TENM3: variants seen among roughly 807,000 people sequenced by gnomAD.
TENM3 encodes teneurin transmembrane protein 3, also known as teneurin-3.
TENM3 carries 63 observed loss-of-function variants against 255.1 expected under a neutral mutation model. The ratio of observed to expected loss-of-function variants is 0.25; its 90% CI spans 0.20 to 0.30. The LOEUF (loss-of-function observed/expected upper bound fraction) is 0.30, where lower values mean the gene tolerates loss of function less well. TENM3 is among the 10% of genes least tolerant of loss of function. The probability of loss-of-function intolerance (pLI) is 1.00; values close to 1 mark genes in which losing one functional copy is unlikely to be tolerated. For missense variants in TENM3, 2,929 were observed against 3,461.1 expected (o/e 0.85, Z 3.86); for synonymous variants, 1,306 against 1,322.3 (o/e 0.99, Z 0.27).
At chr4:182,080,984 C>G in the TENM3 span, among the ~76,000 whole-genome samples, 1 of 151,916 alleles carries the variant, frequency 6.6e-6, no homozygotes, top group African/African-American at 2.4e-5. Flanking sequence ...GAGCAACACC[C>G]TGTCTCAAAA....
At chr4:181,793,122 C>G in the TENM3 span, among the ~76,000 whole-genome samples, 3 of 152,126 alleles carry the variant, frequency 2.0e-5, no homozygotes, top group African/African-American at 4.8e-5. Context: ...TCTCCTTGCC[C>G]CTTTGAAGCT....
rs1316799372 is a variant in TENM3 at position 182,800,658 on chromosome 4, G to A, written c.*307G>A. 1 of 273,330 alleles carries A rather than the reference G, an allele frequency of 3.7e-6. No homozygotes were observed. The highest frequency in any genetic ancestry group is 6.9e-6 in the Non-Finnish European group (1 of 144,528). 16.9% of individuals were successfully genotyped at this position (273,330 alleles called of 1,614,324 possible). On this transcript the variant is annotated 3_prime_UTR_variant, in exon 28 of 28. Coordinates refer to ENST00000511685, the MANE Select transcript of TENM3 (RefSeq NM_001080477.4). ...TGCGCTGGGCCGTCTGTTCCTTCTA[G>A]GCACTGTATTTAACTAACTTTAAAA...
At chr4:182,651,998 C>T (rs546145117) in intron 5 of TENM3, among the ~76,000 whole-genome samples, 2 of 152,240 alleles carry the variant, frequency 1.3e-5, no homozygotes, top group South Asian at 4.1e-4. Flanking sequence ...GTCATTCATC[C>T]GTTACTAACA....
intron 22 of TENM3, among the ~76,000 whole-genome samples, chr4:182,762,873 C>T (rs1006149883): frequency 1.4e-4 from 21 of 151,998 alleles, no homozygotes; most frequent in Non-Finnish European, 2.6e-4. Context: ...ACCGCCCTCC[C>T]CTACCCCATC....
intron 3 of TENM3, among the ~76,000 whole-genome samples, chr4:182,370,242 A>G (rs1409045870): frequency 2.0e-5 from 3 of 152,202 alleles, no homozygotes; most frequent in African/African-American, 7.2e-5. Flanking sequence ...TAGATTTAAG[A>G]TTTATTTTTT....
chr4:181,534,471 C>CA, the TENM3 span, among the ~76,000 whole-genome samples: 3 of 103,570 alleles, frequency 2.9e-5, no homozygotes, highest in African/African-American at 1.4e-4. Context: ...GGTCTTCCCC[C>CA]CCCCCACAGA....
At chr4:182,272,846 A>G (rs1003841837) in intron 1 of TENM3, among the ~76,000 whole-genome samples, 3 of 152,134 alleles carry the variant, frequency 2.0e-5, no homozygotes, top group Admixed American at 6.6e-5. Flanking sequence ...ATGAAGCACC[A>G]TGAGAGAGAA....
At chr4:181,524,277 G>A in the TENM3 span, among the ~76,000 whole-genome samples, 14,109 of 152,140 alleles carry the variant, frequency 0.093, 730 homozygotes, top group East Asian at 0.2. Flanking sequence ...AAAATACTAC[G>A]TCAAATAAGT....
At chr4:182,526,344 G>A (rs1049035678) in intron 3 of TENM3, among the ~76,000 whole-genome samples, 6 of 151,894 alleles carry the variant, frequency 4.0e-5, no homozygotes, top group Non-Finnish European at 7.4e-5. Flanking sequence ...CAAGTGCACC[G>A]CCCCTCTCAC....
chr4:182,086,843 A>G, the TENM3 span, among the ~76,000 whole-genome samples: 6,296 of 152,270 alleles, frequency 0.041, 435 homozygotes, highest in African/African-American at 0.14. Context: ...TTGAATATGA[A>G]GAATACTACA....
At chr4:182,071,088 T>C in the TENM3 span, among the ~76,000 whole-genome samples, 1 of 119,492 alleles carries the variant, frequency 8.4e-6, no homozygotes, top group South Asian at 3.1e-4. Flanking sequence ...GGTCCCTTTT[T>C]CCCAAGAAGA....
At chr4:181,825,877 C>T in the TENM3 span, among the ~76,000 whole-genome samples, 1 of 152,116 alleles carries the variant, frequency 6.6e-6, no homozygotes, top group Non-Finnish European at 1.5e-5. Flanking sequence ...TCCTTAAAGT[C>T]CTTCTGTCTT....
At chr4:182,663,784 T>A (rs545631122) in intron 6 of TENM3, among the ~76,000 whole-genome samples, 1 of 150,376 alleles carries the variant, frequency 6.6e-6, no homozygotes, top group South Asian at 2.1e-4. Flanking sequence ...AAAAAATACG[T>A]TGTCTATAAG....
chr4:181,884,597 T>C, the TENM3 span, among the ~76,000 whole-genome samples: 1 of 152,208 alleles, frequency 6.6e-6, no homozygotes, highest in Non-Finnish European at 1.5e-5. Flanking sequence ...AGCATAATGT[T>C]TTCAGGTTCA....
At chr4:182,372,345 A>C (rs1187846980) in intron 3 of TENM3, among the ~76,000 whole-genome samples, 1 of 152,012 alleles carries the variant, frequency 6.6e-6, no homozygotes. Context: ...TCTTTTAGCT[A>C]TAGTTTGCAT....
the TENM3 span, among the ~76,000 whole-genome samples, chr4:181,752,874 C>T: frequency 1.3e-5 from 2 of 151,684 alleles, no homozygotes; most frequent in African/African-American, 2.4e-5. Flanking sequence ...CTAAAAATAG[C>T]TCAGTGGCAA....
intron 23 of TENM3, among the ~76,000 whole-genome samples, chr4:182,774,153 C>T (rs1764491073): frequency 6.6e-6 from 1 of 152,138 alleles, no homozygotes; most frequent in South Asian, 2.1e-4. Flanking sequence ...ATAATGGACC[C>T]TCCTTGCCAT....
intron 4 of TENM3, among the ~76,000 whole-genome samples, chr4:182,617,649 A>G (rs981676278): frequency 6.6e-6 from 1 of 152,234 alleles, no homozygotes; most frequent in Non-Finnish European, 1.5e-5. Flanking sequence ...TTGGCCAAAC[A>G]TAGCCAGTCT....
the TENM3 span, among the ~76,000 whole-genome samples, chr4:181,968,967 T>C: frequency 1.1e-5 from 1 of 90,724 alleles, no homozygotes; most frequent in African/African-American, 5.1e-5. Context: ...CTCTTGTCTC[T>C]CTCTCTCTCT....
Sources: allele counts gnomAD v4.1 joint callset (sites outside exome capture counted in the v4.1 genomes callset), GRCh38; gene constraint gnomAD v4.1.1; transcripts MANE v1.5; gene names NCBI Gene and HGNC (gene_info 2026-07-23, HGNC 2026-07-21).